ASB4: variants seen among roughly 807,000 people sequenced by gnomAD.
ASB4 encodes ankyrin repeat and SOCS box protein 4.
ASB4 carries 35 observed loss-of-function variants against 38.6 expected under a neutral mutation model. The observed-to-expected ratio is 0.91, with a 90% CI of 0.69 to 1.20. The LOEUF (loss-of-function observed/expected upper bound fraction) is 1.20. ASB4 is among the 50% of genes most tolerant of loss of function. ASB4 has a pLI of 0.00. For missense variants in ASB4, 557 were observed against 527.2 expected, an observed-to-expected ratio of 1.06 and a Z score of -0.55; for synonymous variants, 195 against 201.3, an observed-to-expected ratio of 0.97 and a Z score of 0.26.
At chr7:95,547,523 T>C in the ASB4 span, among the ~76,000 whole-genome samples, 1 of 152,226 alleles carries the variant, frequency 6.6e-6, no homozygotes, top group Admixed American at 6.5e-5. Context: ...TATACCAAAA[T>C]AAATATTTAT....
At chr7:95,506,706 G>A (rs74320696) in intron 2 of ASB4, among the ~76,000 whole-genome samples, 2 of 104,294 alleles carry the variant, frequency 1.9e-5, no homozygotes, top group Non-Finnish European at 3.9e-5. Context: ...TTTTTTTTTG[G>A]TCTTTGATGT....
chr7:95,490,561 G>A (rs963327446), intron 1 of ASB4, among the ~76,000 whole-genome samples: 1 of 152,236 alleles, frequency 6.6e-6, no homozygotes, highest in African/African-American at 2.4e-5. Context: ...ACCTTTGGCT[G>A]TAATAACAGA....
intron 3 of ASB4, among the ~76,000 whole-genome samples, chr7:95,532,124 C>G (rs1172648796): frequency 6.6e-6 from 1 of 152,166 alleles, no homozygotes; most frequent in East Asian, 1.9e-4. Flanking sequence ...AACAACTACT[C>G]CACAGCCCGA....
intron 2 of ASB4, among the ~76,000 whole-genome samples, chr7:95,519,836 A>C (rs1382300170): frequency 6.6e-6 from 1 of 152,010 alleles, no homozygotes; most frequent in Non-Finnish European, 1.5e-5. Flanking sequence ...AAATTTTGAG[A>C]GGGGATTTTT....
At position 95,495,946 on chromosome 7, in the gene ASB4, C is replaced by T; in HGVS notation, c.376C>T (p.Leu126Phe). 6.2e-7 allele frequency: 1 copy of T among 1,614,104 alleles called. No individual in the cohort carries two copies. Among genetic ancestry groups the T allele is most frequent in the Non-Finnish European group, 8.5e-7 (1 of 1,180,002 alleles). The change falls in exon 2 of 5, where the codon CTC (leucine) becomes TTC (phenylalanine). Residue 126 changes from leucine to phenylalanine, a missense_variant. Leu to Phe is a conservative substitution (Grantham distance 22, BLOSUM62 0). Transcript: ENST00000325885. ...GGCCAATGTGGATTGTGTTAAGATCCTCTGTGATCGTGGGGCAAAGCTCAA... is the reference window on the plus strand; with the variant it reads ...GGCCAATGTGGATTGTGTTAAGATCTTCTGTGATCGTGGGGCAAAGCTCAA... ...EMANVDCVKI[L>F]CDRGAKLNCY...
In ASB4 at chr7:95,536,528, C is replaced by T; in HGVS notation, c.1070C>T (p.Ala357Val). 6.2e-7 allele frequency: 1 copy of T among 1,610,722 alleles called. No homozygotes were observed. The highest frequency in any genetic ancestry group is 8.5e-7 in the Non-Finnish European group (1 of 1,177,128). ...HIRWNTKWRRAIPDDDLEKYW... is the reference protein window; with the variant it reads ...HIRWNTKWRRVIPDDDLEKYW... ...AGATGGAACACAAAGTGGAGAAGAG[C>T]TATCCCCGATGATGACTTGGAGGTA... Residue 357 changes from alanine to valine, a missense_variant, in exon 4 of 5, where the codon GCT becomes GTT. Transcript: ENST00000325885.
chr7:95,485,012 A>G (rs867142885), upstream of ASB4, among the ~76,000 whole-genome samples: 4 of 146,702 alleles, frequency 2.7e-5, no homozygotes, highest in South Asian at 2.1e-4. Context: ...ATGTGTGTGT[A>G]TATATGTGTA....
upstream of ASB4, chr7:95,485,935 G>C (rs752571238): frequency 1.9e-6 from 3 of 1,598,100 alleles, no homozygotes; most frequent in East Asian, 4.5e-5. Flanking sequence ...CTGTTCTCTC[G>C]ATAAATCACA....
At chr7:95,495,171 A>G (rs1790226056) in intron 1 of ASB4, among the ~76,000 whole-genome samples, 2 of 152,248 alleles carry the variant, frequency 1.3e-5, no homozygotes, top group East Asian at 3.8e-4. Flanking sequence ...GTTGCCTTAA[A>G]TTCGTCTTTG....
intron 4 of ASB4, 24 bp from the exon 5 acceptor site, chr7:95,537,547 A>C: frequency 6.4e-7 from 1 of 1,573,254 alleles, no homozygotes; most frequent in African/African-American, 1.4e-5. Context: ...TGCTAACTTT[A>C]ATTTGTCTTG....
chr7:95,549,487 CA>C, the ASB4 span, among the ~76,000 whole-genome samples: 1 of 151,626 alleles, frequency 6.6e-6, no homozygotes, highest in African/African-American at 2.4e-5. Flanking sequence ...TTAGTAGAGA[CA>C]GGGTTTCACC....
At chr7:95,495,334 A>G (rs1790229597) in intron 1 of ASB4, among the ~76,000 whole-genome samples, 1 of 152,204 alleles carries the variant, frequency 6.6e-6, no homozygotes, top group Admixed American at 6.5e-5. Context: ...TGCAACTGAC[A>G]GCCTTGGAAT....
rs1175429639 is a variant in ASB4, at chr7:95,515,246, TCTTTCC to T, written c.488-12566_488-12561del. ...CTTTCTTTCTTTTTCTTTCTTTCTT[TCTTTCC>T]TTCTTTCTTTCTTTCTCTTTCTTTC... On this transcript the variant is annotated intron_variant, in intron 2 of 4. Transcript: ENST00000325885. Among the ~76,000 whole-genome samples, 28 of 142,010 alleles carry T rather than the reference TCTTTCC, an allele frequency of 2.0e-4. 1 individual carries two copies. Among genetic ancestry groups the T allele is most frequent in the African/African-American group, 5.1e-4 (19 of 37,106 alleles). 93.2% of individuals were successfully genotyped at this position (142,010 alleles called of 152,430 possible). A position where few individuals can be genotyped will look rare whatever the true frequency, so the allele number is the denominator to read the frequency against.
At chr7:95,471,688 A>C in the ASB4 span, 29 of 152,086 alleles carry the variant, frequency 1.9e-4, no homozygotes, top group African/African-American at 6.3e-4. Context: ...GAATGCCCTT[A>C]CATGAACATT....
intron 2 of ASB4, among the ~76,000 whole-genome samples, chr7:95,516,221 A>G (rs1790581661): frequency 6.6e-6 from 1 of 152,206 alleles, no homozygotes; most frequent in South Asian, 2.1e-4. Flanking sequence ...TGACCATAAT[A>G]TATGGTCTGA....
chr7:95,527,805 C>T lies in ASB4; in HGVS notation c.488-8C>T. 6.3e-7 allele frequency: 1 copy of T among 1,586,740 alleles called. No homozygotes were observed. Among genetic ancestry groups the T allele is most frequent in the Non-Finnish European group, 8.6e-7 (1 of 1,160,874 alleles). On this transcript the variant is annotated splice_region_variant and splice_polypyrimidine_tract_variant and intron_variant, in intron 2 of 4. Coordinates refer to ENST00000325885, the MANE Select transcript of ASB4 (RefSeq NM_016116.3). ...TAAATAATTGTCTTCCTCAATTTCC[C>T]TTTATAGGGGCGAATGTGAACATGA...
chr7:95,496,134 C>G (rs1163623578), intron 2 of ASB4, 77 bp downstream of exon 2: 1 of 1,367,514 alleles, frequency 7.3e-7, no homozygotes, highest in Admixed American at 1.8e-5. Flanking sequence ...CCCTACCTAC[C>G]CCAGATGATG....
chr7:95,489,666 G>C (rs907944500), intron 1 of ASB4, among the ~76,000 whole-genome samples: 2 of 152,132 alleles, frequency 1.3e-5, no homozygotes, highest in African/African-American at 4.8e-5. Flanking sequence ...AGCCAAAATT[G>C]CGTTTACCAG....
intron 2 of ASB4, among the ~76,000 whole-genome samples, chr7:95,502,967 A>C (rs1790361974): frequency 6.6e-6 from 1 of 152,234 alleles, no homozygotes; most frequent in Non-Finnish European, 1.5e-5. Flanking sequence ...GCAGATATTT[A>C]AAATGATGTT....
Sources: allele counts gnomAD v4.1 joint callset (sites outside exome capture counted in the v4.1 genomes callset), GRCh38; gene constraint gnomAD v4.1.1; transcripts MANE v1.5; gene names NCBI Gene and HGNC (gene_info 2026-07-23, HGNC 2026-07-21).